DPYSL3: variants seen among roughly 807,000 people sequenced by gnomAD.
The protein encoded by DPYSL3 is dihydropyrimidinase-related protein 3.
In DPYSL3, 16 loss-of-function variants were observed where a neutral mutation model predicts 66.1. That is an observed-to-expected ratio of 0.24 (90% CI 0.16 to 0.37). The LOEUF (loss-of-function observed/expected upper bound fraction) is 0.37. Ranked by LOEUF, DPYSL3 falls within the 10% of genes least tolerant of loss-of-function variation. DPYSL3 has a pLI of 1.00. For missense variants in DPYSL3, 738 were observed against 916.2 expected (o/e 0.81, Z 2.51); for synonymous variants, 338 against 345.1 (o/e 0.98, Z 0.23).
At chr5:147,435,276 A>G (rs901032379) in intron 1 of DPYSL3, among the ~76,000 whole-genome samples, 2 of 152,224 alleles carry the variant, frequency 1.3e-5, no homozygotes, top group African/African-American at 4.8e-5. Flanking sequence ...AATAATTCAT[A>G]ATTACCATTT....
chr5:147,472,056 T>C (rs1467350187), intron 1 of DPYSL3, among the ~76,000 whole-genome samples: 1 of 152,294 alleles, frequency 6.6e-6, no homozygotes. Flanking sequence ...CTCCTCCATC[T>C]TACAGCTGAA....
chr5:147,489,466 G>T (rs548387249), intron 1 of DPYSL3, among the ~76,000 whole-genome samples: 1 of 152,308 alleles, frequency 6.6e-6, no homozygotes, highest in South Asian at 2.1e-4. Context: ...ATCTTTCCAT[G>T]ACTCGGTTTC....
At position 147,509,804 on chromosome 5, in the gene DPYSL3, A is replaced by G; in HGVS notation, c.55T>C (p.Tyr19His). Reference protein sequence around the residue: ...DSSHEDDLPVYLARPGTTDQV... With the variant: ...DSSHEDDLPVHLARPGTTDQV... ...TCCGTGGTGCCCGGCCTGGCCAGGTACACGGGCAGATCGTCTTCGTGGGAG... is the reference window on the plus strand; with the variant it reads ...TCCGTGGTGCCCGGCCTGGCCAGGTGCACGGGCAGATCGTCTTCGTGGGAG... The change falls in exon 1 of 14, where the codon TAC becomes CAC. Residue 19 changes from tyrosine (Y) to histidine (H), a missense_variant. By Grantham distance (83) the Tyr-to-His change is moderately conservative (BLOSUM62 2). Coordinates refer to ENST00000343218, the MANE Select transcript of DPYSL3 (RefSeq NM_001197294.2). The surrounding 1 kb of genome is among the most constrained non-coding windows in gnomAD (Gnocchi z 5.3). 1 of 1,535,878 alleles carries G rather than the reference A, an allele frequency of 6.5e-7. No individual in the cohort carries two copies. The highest frequency in any genetic ancestry group is 8.7e-7 in the Non-Finnish European group (1 of 1,146,726).
chr5:147,402,046 T>G (rs1383442221), intron 8 of DPYSL3: 1 of 227,034 alleles, frequency 4.4e-6, no homozygotes, highest in African/African-American at 2.4e-5. Context: ...CTTGCTCTAG[T>G]AATGGGTTCC....
intron 1 of DPYSL3, among the ~76,000 whole-genome samples, chr5:147,489,631 T>G (rs544214912): frequency 4.6e-5 from 7 of 152,174 alleles, no homozygotes; most frequent in Non-Finnish European, 1.0e-4. Flanking sequence ...CTCAGAGAAA[T>G]GTAAAATTCC....
intron 1 of DPYSL3, among the ~76,000 whole-genome samples, chr5:147,499,349 C>A (rs1379735263): frequency 6.6e-6 from 1 of 152,100 alleles, no homozygotes; most frequent in Non-Finnish European, 1.5e-5. Flanking sequence ...TTCCTATATA[C>A]TAGCACTGAA....
At position 147,393,902 on chromosome 5, in the gene DPYSL3, A is replaced by G. The variant is rs1356435240; in HGVS notation, c.*133T>C. 1.7e-5 allele frequency: 15 copies of G among 887,258 alleles called. No homozygotes were observed. The highest frequency in any genetic ancestry group is 1.0e-4 in the South Asian group (6 of 59,666). 55.0% of individuals were successfully genotyped at this position (887,258 alleles called of 1,614,324 possible). The stretch of plus-strand genomic sequence containing the variant: ...CAAGCGAGCGTAACATTGGAGAAAC[A>G]TAAGGCTTGAGGCTTATTGATTCTT... On this transcript the variant is annotated 3_prime_UTR_variant, in exon 14 of 14. Transcript: ENST00000343218.
At chr5:147,432,926 C>T (rs1561786227) in intron 1 of DPYSL3, among the ~76,000 whole-genome samples, 1 of 152,012 alleles carries the variant, frequency 6.6e-6, no homozygotes, top group Non-Finnish European at 1.5e-5. Context: ...CGAGAGGGCT[C>T]TAAAGGATGA....
chr5:147,461,957 A>C (rs1752939720), intron 1 of DPYSL3, among the ~76,000 whole-genome samples: 1 of 152,202 alleles, frequency 6.6e-6, no homozygotes, highest in South Asian at 2.1e-4. Flanking sequence ...AAAGATAGAG[A>C]GTAAATCAAA....
chr5:147,461,953 A>G (rs967693157), intron 1 of DPYSL3, among the ~76,000 whole-genome samples: 1 of 152,214 alleles, frequency 6.6e-6, no homozygotes, highest in African/African-American at 2.4e-5. Context: ...CACCAAAGAT[A>G]GAGAGTAAAT....
At chr5:147,424,747 T>C in intron 2 of DPYSL3, 128 bp downstream of exon 2, 1 of 696,054 alleles carries the variant, frequency 1.4e-6, no homozygotes, top group Non-Finnish European at 2.3e-6. Flanking sequence ...TTGCCCTCAG[T>C]ATCTCACTTC....
At chr5:147,453,562 A>T in intron 1 of DPYSL3, 1 of 1,538,834 alleles carries the variant, frequency 6.5e-7, no homozygotes, top group Non-Finnish European at 8.8e-7. Context: ...GATCCGCGGG[A>T]TGTTCTTCTT....
chr5:147,505,972 C>T (rs966500861), intron 1 of DPYSL3, among the ~76,000 whole-genome samples: 1 of 152,162 alleles, frequency 6.6e-6, no homozygotes, highest in East Asian at 1.9e-4. Context: ...TTCTGGCTCC[C>T]CCCACTTATT....
chr5:147,472,476 T>G (rs1299792034), intron 1 of DPYSL3, among the ~76,000 whole-genome samples: 1 of 152,192 alleles, frequency 6.6e-6, no homozygotes, highest in East Asian at 1.9e-4. Flanking sequence ...AATTCTTTGC[T>G]TCCAACCTCT....
At chr5:147,500,181 A>G (rs1257623693) in intron 1 of DPYSL3, among the ~76,000 whole-genome samples, 3 of 152,250 alleles carry the variant, frequency 2.0e-5, no homozygotes, top group African/African-American at 7.2e-5. Flanking sequence ...GAGCTGGACT[A>G]TATTAAAATT....
chr5:147,440,387 ATC>A (rs1389945886), intron 1 of DPYSL3, among the ~76,000 whole-genome samples: 1 of 152,198 alleles, frequency 6.6e-6, no homozygotes, highest in Non-Finnish European at 1.5e-5. Context: ...TTGCATATTT[ATC>A]TATCTAATCA....
In DPYSL3 at chr5:147,510,051, G is replaced by A; in HGVS notation, c.-193C>T. The A allele has an allele frequency of 2.1e-6, 2 of 960,350 alleles. No individual in the cohort carries two copies. The highest frequency in any genetic ancestry group is 2.9e-5 in the East Asian group (1 of 34,628). 59.5% of individuals were successfully genotyped at this position (960,350 alleles called of 1,614,324 possible). ...CGAGCCACACAGCCAGCTAGCGCGCGGAGCAGGGGCCCAGAGTAGCGCCGC... is the reference window on the plus strand; with the variant it reads ...CGAGCCACACAGCCAGCTAGCGCGCAGAGCAGGGGCCCAGAGTAGCGCCGC... On this transcript the variant is annotated 5_prime_UTR_variant, in exon 1 of 14. Transcript: ENST00000343218.
intron 1 of DPYSL3, chr5:147,472,968 T>C (rs1753105939): frequency 6.6e-6 from 1 of 152,156 alleles, no homozygotes; most frequent in East Asian, 1.9e-4. Context: ...TTTTCATTCT[T>C]GTCAAATTTT....
chr5:147,474,437 G>T (rs1405523652), intron 1 of DPYSL3, among the ~76,000 whole-genome samples: 2 of 151,980 alleles, frequency 1.3e-5, no homozygotes, highest in Admixed American at 1.3e-4. Context: ...CCTCACAAAG[G>T]GAAGTACTTT....
Sources: allele counts gnomAD v4.1 joint callset (sites outside exome capture counted in the v4.1 genomes callset), GRCh38; gene constraint gnomAD v4.1.1; non-coding constraint Gnocchi (gnomAD v3.1); transcripts MANE v1.5; gene names NCBI Gene and HGNC (gene_info 2026-07-23, HGNC 2026-07-21).